Variants in RCC2 observed in about 807,000 individuals in gnomAD.
The protein encoded by RCC2 is protein RCC2.
RCC2 carries 19 observed loss-of-function variants against 64.1 expected under a neutral mutation model. The observed-to-expected ratio is 0.30, with a 90% CI of 0.21 to 0.44. The LOEUF (loss-of-function observed/expected upper bound fraction) is 0.44, where lower values mean the gene tolerates loss of function less well. Ranked by LOEUF, RCC2 falls within the 20% of genes least tolerant of loss-of-function variation. The probability of loss-of-function intolerance (pLI) is 1.00; values close to 1 mark genes in which losing one functional copy is unlikely to be tolerated. For missense variants in RCC2, 508 were observed against 710.4 expected (o/e 0.72, Z 3.24); for synonymous variants, 325 against 279.6 (o/e 1.16, Z -1.62).
chr1:17,429,292 T>C (rs952997682), intron 2 of RCC2, 93 bp from the exon 3 acceptor site: 19 of 975,126 alleles, frequency 1.9e-5, no homozygotes, highest in Non-Finnish European at 3.0e-5. Context: ...CGAAAGAAAA[T>C]CATTCAGTTA....
Position 17,407,406 on chromosome 1 carries a change from G to C in RCC2, c.*1684C>G, listed in dbSNP as rs1447341240. On this transcript the variant is annotated 3_prime_UTR_variant, in exon 13 of 13. Transcript: ENST00000375436. Reference sequence around the variant, plus strand: ...GCTTACGTCAGAGATGGTGGTTTTGGGGTGATTTGGACAAATTAGGTTAGT... The same window carrying C: ...GCTTACGTCAGAGATGGTGGTTTTGCGGTGATTTGGACAAATTAGGTTAGT... 2 of 152,238 alleles carry C rather than the reference G, an allele frequency of 1.3e-5. No homozygotes were observed. The highest frequency in any genetic ancestry group is 4.8e-5 in the African/African-American group (2 of 41,458). The allele number at this position is 152,238 out of a possible 1,614,324, so 9.4% of individuals were successfully genotyped here.
At chr1:17,418,143 G>C (rs574329581) in intron 7 of RCC2, among the ~76,000 whole-genome samples, 1 of 151,628 alleles carries the variant, frequency 6.6e-6, no homozygotes, top group Admixed American at 6.6e-5. Context: ...TCACAACTAC[G>C]CTACACACAA....
intron 3 of RCC2, among the ~76,000 whole-genome samples, chr1:17,426,232 G>A (rs2075614558): frequency 2.0e-5 from 3 of 151,966 alleles, no homozygotes; most frequent in Admixed American, 1.3e-4. Flanking sequence ...GGCTCTTTCT[G>A]AGGGGTGACC....
intron 2 of RCC2, among the ~76,000 whole-genome samples, chr1:17,430,027 C>G (rs1254668921): frequency 6.6e-6 from 1 of 152,246 alleles, no homozygotes; most frequent in Non-Finnish European, 1.5e-5. Context: ...ATTCTCAGCA[C>G]TTTGCTTCCT....
rs140516033 is a variant in RCC2, at chr1:17,425,716, C to G, written c.380-32G>C. 7.0e-6 allele frequency: 11 copies of G among 1,582,224 alleles called. No homozygotes were observed. In the East Asian group the frequency reaches 2.5e-4, roughly 36 times the overall value. ...AGAGAATGAGAATGCAGATCAGACA[C>G]CTGGGGTGGTGGGGTGACCTCCAAA... On this transcript the variant is annotated intron_variant, in intron 3 of 12. Transcript: ENST00000375436.
intron 11 of RCC2, among the ~76,000 whole-genome samples, chr1:17,410,382 G>A (rs1261531838): frequency 2.0e-5 from 3 of 152,254 alleles, no homozygotes; most frequent in African/African-American, 4.8e-5. Flanking sequence ...AGGAAGAATG[G>A]CAACTGCGGC....
intron 7 of RCC2, among the ~76,000 whole-genome samples, chr1:17,417,264 G>T (rs567378405): frequency 6.6e-6 from 1 of 152,206 alleles, no homozygotes; most frequent in South Asian, 2.1e-4. Flanking sequence ...CCAGAAGCCC[G>T]GCTGCTCCAG....
At chr1:17,422,019 C>T (rs185899517) in intron 6 of RCC2, among the ~76,000 whole-genome samples, 184 bp downstream of exon 6, 8 of 152,140 alleles carry the variant, frequency 5.3e-5, no homozygotes, top group Admixed American at 5.2e-4. Flanking sequence ...GAGTGAAACT[C>T]CGTTCTCAAA....
At position 17,407,452 on chromosome 1, in the gene RCC2, C is replaced by G. The variant is rs530372678; in HGVS notation, c.*1638G>C. 6.6e-6 allele frequency: 1 copy of G among 152,352 alleles called. No individual in the cohort carries two copies. The allele number at this position is 152,352 out of a possible 1,614,324, so 9.4% of individuals were successfully genotyped here. A position where few individuals can be genotyped will look rare whatever the true frequency, so the allele number is the denominator to read the frequency against. Reference sequence around the variant, plus strand: ...TTAGTTTAGCAAAGCTCTGAAGTAGCAGAAGCTTCTCCCCTGGACTACTGA... The same window carrying G: ...TTAGTTTAGCAAAGCTCTGAAGTAGGAGAAGCTTCTCCCCTGGACTACTGA... On this transcript the variant is annotated 3_prime_UTR_variant, in exon 13 of 13. Transcript: ENST00000375436.
At chr1:17,438,707 G>A (rs1035046734) in intron 1 of RCC2, 185 bp from the exon 2 acceptor site, 7 of 497,492 alleles carry the variant, frequency 1.4e-5, no homozygotes, top group East Asian at 3.7e-5. Context: ...GCCCCGGCGC[G>A]GCTCCTTCGG....
At chr1:17,416,068 C>CA (rs1180836026) in intron 8 of RCC2, among the ~76,000 whole-genome samples, 24 of 67,114 alleles carry the variant, frequency 3.6e-4, no homozygotes, top group South Asian at 1.7e-3. Context: ...AAACTGTCTC[C>CA]AAAAAAAAAA....
chr1:17,418,485 C>T (rs1350720493), intron 7 of RCC2, among the ~76,000 whole-genome samples: 13 of 152,098 alleles, frequency 8.5e-5, no homozygotes, highest in Admixed American at 3.9e-4. Flanking sequence ...GGTGAAACCC[C>T]GTCTCTACCA....
At chr1:17,409,464 G>T (rs72906432) in intron 12 of RCC2, among the ~76,000 whole-genome samples, 2,439 of 152,262 alleles carry the variant, frequency 0.016, 57 homozygotes, top group African/African-American at 0.056. Flanking sequence ...GACAGGTGGG[G>T]ACATGGCTCC....
At chr1:17,421,313 G>A (rs1269268868) in intron 6 of RCC2, among the ~76,000 whole-genome samples, 17 of 152,042 alleles carry the variant, frequency 1.1e-4, no homozygotes, top group Admixed American at 1.1e-3. Context: ...TGGCCAACAT[G>A]GTGAAACCCC....
At chr1:17,427,671 T>C (rs1235310984) in intron 3 of RCC2, among the ~76,000 whole-genome samples, 1 of 151,954 alleles carries the variant, frequency 6.6e-6, no homozygotes, top group African/African-American at 2.4e-5. Flanking sequence ...ACACTTGAAC[T>C]TGCTTGGCCA....
chr1:17,422,928 T>C (rs1570189825), intron 4 of RCC2, 92 bp from the exon 5 acceptor site: 2 of 1,497,232 alleles, frequency 1.3e-6, no homozygotes, highest in Admixed American at 1.8e-5. Context: ...TCTCAAATGA[T>C]GCCCATCTGT....
At chr1:17,427,077 T>C (rs564510956) in intron 3 of RCC2, among the ~76,000 whole-genome samples, 5 of 152,338 alleles carry the variant, frequency 3.3e-5, no homozygotes, top group Admixed American at 6.5e-5. Context: ...ATTTTTGAAA[T>C]TGAGATGCTC....
chr1:17,426,116 C>A (rs1349118427), intron 3 of RCC2, among the ~76,000 whole-genome samples: 1 of 152,094 alleles, frequency 6.6e-6, no homozygotes. Context: ...CAGGAAACCC[C>A]GCTCACCCTG....
intron 6 of RCC2, among the ~76,000 whole-genome samples, chr1:17,421,355 C>T (rs1394941661): frequency 2.6e-5 from 4 of 151,956 alleles, no homozygotes; most frequent in Admixed American, 6.6e-5. Context: ...ATTAGCCAGG[C>T]GTGGTGGAGC....
Sources: gnomAD v4.1 joint callset for allele counts (sites outside exome capture counted in the v4.1 genomes callset) on GRCh38, gnomAD v4.1.1 for gene constraint, MANE v1.5 for transcripts, NCBI Gene and HGNC (gene_info 2026-07-23, HGNC 2026-07-21) for gene names.